The following ELMO1 variants were observed in gnomAD, a reference collection of about 807,000 sequenced individuals.
ELMO1 encodes the protein engulfment and cell motility 1, also known as engulfment and cell motility protein 1.
Under a neutral mutation model 98.9 loss-of-function variants are expected in ELMO1, and 26 were observed. The ratio of observed to expected loss-of-function variants is 0.26; its 90% CI spans 0.19 to 0.36. ELMO1 has a LOEUF of 0.36. ELMO1 is among the 10% of genes least tolerant of loss of function. ELMO1 has a pLI of 1.00. For missense variants in ELMO1, 627 were observed against 935.2 expected, an observed-to-expected ratio of 0.67 and a Z score of 4.30; for synonymous variants, 346 against 346.0, an observed-to-expected ratio of 1.00 and a Z score of 0.00.
chr7:37,240,226 A>G (rs759630286), intron 7 of ELMO1, among the ~76,000 whole-genome samples: 9 of 151,836 alleles, frequency 5.9e-5, no homozygotes, highest in Non-Finnish European at 1.2e-4. Flanking sequence ...TGTTGTAGAG[A>G]TAGGTTTTTG....
chr7:37,336,513 A>G (rs1169300366), intron 2 of ELMO1, among the ~76,000 whole-genome samples: 2 of 152,240 alleles, frequency 1.3e-5, no homozygotes, highest in Non-Finnish European at 2.9e-5. Context: ...GGACTCTAAG[A>G]CAAAGAGTGT....
At chr7:37,421,411 C>T (rs1804466143) in intron 1 of ELMO1, among the ~76,000 whole-genome samples, 1 of 152,254 alleles carries the variant, frequency 6.6e-6, no homozygotes, top group South Asian at 2.1e-4. Flanking sequence ...AAATTGCTTG[C>T]ACCCTTCCGA....
chr7:37,347,851 C>G (rs574390776), intron 1 of ELMO1, among the ~76,000 whole-genome samples: 35 of 152,312 alleles, frequency 2.3e-4, no homozygotes, highest in African/African-American at 7.7e-4. Context: ...ATGGTCTCAT[C>G]AGGCTCTCCA....
chr7:36,975,305 A>G (rs983072357), intron 16 of ELMO1, among the ~76,000 whole-genome samples: 1 of 152,054 alleles, frequency 6.6e-6, no homozygotes, highest in Non-Finnish European at 1.5e-5. Context: ...CCCTGTCTCT[A>G]TTAAAAAAAT....
rs569669718 is a variant in ELMO1 at position 37,160,678 on chromosome 7, C to T, written c.1087-27444G>A. On this transcript the variant is annotated intron_variant, in intron 13 of 21. Coordinates refer to ENST00000310758, the MANE Select transcript of ELMO1 (RefSeq NM_014800.11). The stretch of plus-strand genomic sequence containing the variant: ...ATCATAAGTAGCCCCCAAATGTCCC[C>T]AGAAGAGCCCACCCTTGAGAGAACA... 2.0e-5 allele frequency among the ~76,000 whole-genome samples: 3 copies of T among 152,242 alleles called. No individual in the cohort carries two copies. In the South Asian group the frequency reaches 6.2e-4, roughly 32 times the overall value.
At chr7:37,334,128 G>A (rs544915569) in intron 2 of ELMO1, among the ~76,000 whole-genome samples, 1 of 152,290 alleles carries the variant, frequency 6.6e-6, no homozygotes, top group African/African-American at 2.4e-5. Context: ...GATCCTCTGT[G>A]TATTTTCAAC....
chr7:37,153,141 A>G (rs977111880), intron 13 of ELMO1, among the ~76,000 whole-genome samples: 2 of 152,194 alleles, frequency 1.3e-5, no homozygotes, highest in African/African-American at 4.8e-5. Flanking sequence ...CAGAAAAATG[A>G]CTTTAAGAAT....
At chr7:37,019,750 G>GT (rs370555126) in intron 15 of ELMO1, among the ~76,000 whole-genome samples, 5 of 152,214 alleles carry the variant, frequency 3.3e-5, no homozygotes, top group African/African-American at 1.2e-4. Context: ...AAACGAAATT[G>GT]TTTTAATCAC....
chr7:37,177,827 T>C (rs189386022), intron 13 of ELMO1, among the ~76,000 whole-genome samples: 1 of 152,350 alleles, frequency 6.6e-6, no homozygotes, highest in East Asian at 1.9e-4. Flanking sequence ...AGATAAAATC[T>C]GTATCTATGT....
rs1169541786 is a variant in ELMO1, at chr7:36,917,209, T to C, written c.1438-22192A>G. Among the ~76,000 whole-genome samples, 3 of 152,214 alleles carry C rather than the reference T, an allele frequency of 2.0e-5. No individual in the cohort carries two copies. The South Asian group carries it at 6.2e-4, about 31-fold the overall frequency. ...TAGGTAGTAGTGTGACCTTGGGCAG[T>C]AGTACTGAATAAGAAATAACTACCT... is the stretch of plus-strand genomic sequence containing the variant. On this transcript the variant is annotated intron_variant, in intron 16 of 21. Transcript: ENST00000310758.
At chr7:37,122,561 G>A (rs1457421776) in intron 14 of ELMO1, among the ~76,000 whole-genome samples, 1 of 152,186 alleles carries the variant, frequency 6.6e-6, no homozygotes, top group Non-Finnish European at 1.5e-5. Context: ...CAATGGTAAA[G>A]GGATCAATTC....
intron 16 of ELMO1, among the ~76,000 whole-genome samples, chr7:36,932,990 C>G (rs1291623285): frequency 2.0e-5 from 3 of 152,168 alleles, no homozygotes; most frequent in Non-Finnish European, 4.4e-5. Context: ...GCTCAGAGAT[C>G]GTGTAGAGAC....
intron 15 of ELMO1, among the ~76,000 whole-genome samples, chr7:37,060,449 C>T (rs1796607756): frequency 6.6e-6 from 1 of 152,078 alleles, no homozygotes; most frequent in African/African-American, 2.4e-5. Flanking sequence ...TAAGTGGGAG[C>T]TAAACGCTGG....
At chr7:37,027,708 G>T (rs1266275478) in intron 15 of ELMO1, among the ~76,000 whole-genome samples, 1 of 152,158 alleles carries the variant, frequency 6.6e-6, no homozygotes, top group Non-Finnish European at 1.5e-5. Context: ...GTGTGGGAAA[G>T]GTTGTGAGTG....
chr7:37,259,517 C>CGG (rs1795871407), intron 5 of ELMO1, among the ~76,000 whole-genome samples, 167 bp from the exon 6 acceptor site: 6 of 152,326 alleles, frequency 3.9e-5, no homozygotes, highest in African/African-American at 1.4e-4. Context: ...CCAACCCAAA[C>CGG]ACTCCACCTT....
chr7:37,348,995 T>C (rs1394829721), intron 1 of ELMO1, among the ~76,000 whole-genome samples: 1 of 152,224 alleles, frequency 6.6e-6, no homozygotes, highest in Non-Finnish European at 1.5e-5. Flanking sequence ...TAAGCCTGTA[T>C]GGCCATTCCT....
intron 15 of ELMO1, among the ~76,000 whole-genome samples, chr7:37,043,947 T>C (rs1256881203): frequency 1.3e-5 from 2 of 152,086 alleles, no homozygotes; most frequent in Non-Finnish European, 2.9e-5. Context: ...GGTGATGCCA[T>C]CTCCATTCCC....
chr7:36,956,835 G>A (rs977101236), intron 16 of ELMO1, among the ~76,000 whole-genome samples: 11 of 152,186 alleles, frequency 7.2e-5, no homozygotes, highest in African/African-American at 2.4e-4. Flanking sequence ...TGATTACAAC[G>A]CCGGAAAAAA....
intron 1 of ELMO1, among the ~76,000 whole-genome samples, chr7:37,441,280 C>A (rs1805406487): frequency 1.3e-5 from 2 of 151,870 alleles, no homozygotes; most frequent in Admixed American, 1.3e-4. Flanking sequence ...TTAAGCCACT[C>A]GATGGTGTTC....
Sources: allele counts gnomAD v4.1 joint callset (sites outside exome capture counted in the v4.1 genomes callset), GRCh38; gene constraint gnomAD v4.1.1; transcripts MANE v1.5; gene names NCBI Gene and HGNC (gene_info 2026-07-23, HGNC 2026-07-21).